The following CHIT1 variants were observed in gnomAD, a reference collection of about 807,000 sequenced individuals.
CHIT1 encodes chitotriosidase-1.
Under a neutral mutation model 52.0 loss-of-function variants are expected in CHIT1, and 47 were observed. The ratio of observed to expected loss-of-function variants is 0.90; its 90% CI spans 0.71 to 1.15. The LOEUF is 1.15. Ranked by LOEUF, CHIT1 falls within the 50% of genes most tolerant of loss-of-function variation. The probability of loss-of-function intolerance (pLI) is 0.00; values close to 1 mark genes in which losing one functional copy is unlikely to be tolerated. For missense variants in CHIT1, 569 were observed against 583.0 expected, an observed-to-expected ratio of 0.98 and a Z score of 0.25; for synonymous variants, 242 against 228.2, an observed-to-expected ratio of 1.06 and a Z score of -0.54.
At chr1:203,225,391 C>T (rs1233494139) in intron 3 of CHIT1, among the ~76,000 whole-genome samples, 1 of 151,474 alleles carries the variant, frequency 6.6e-6, no homozygotes, top group Non-Finnish European at 1.5e-5. Context: ...AAGGGTGGAT[C>T]AATTTCATAA....
At chr1:203,219,429 C>T in intron 8 of CHIT1, 100 bp from the exon 9 acceptor site, 5 of 913,094 alleles carry the variant, frequency 5.5e-6, no homozygotes, top group Admixed American at 5.5e-5. Flanking sequence ...AAATTCCTGT[C>T]TGAGGAAGCC....
intron 9 of CHIT1, 124 bp downstream of exon 9, chr1:203,219,092 A>G (rs1656638361): frequency 1.3e-6 from 1 of 748,472 alleles, no homozygotes; most frequent in Non-Finnish European, 2.5e-6. Flanking sequence ...TCACGTGGAG[A>G]TTTATGAAAT....
At chr1:203,229,582 C>G in intron 1 of CHIT1, 30 bp downstream of exon 1, 1 of 1,613,612 alleles carries the variant, frequency 6.2e-7, no homozygotes, top group Non-Finnish European at 8.5e-7. Flanking sequence ...CCACAGCTCC[C>G]GAGACCCAGC....
At chr1:203,220,191 C>T (rs1656685283) in intron 7 of CHIT1, among the ~76,000 whole-genome samples, 1 of 152,184 alleles carries the variant, frequency 6.6e-6, no homozygotes, top group African/African-American at 2.4e-5. Context: ...CCCTGCCTTA[C>T]CCAGCAGCTT....
intron 4 of CHIT1, among the ~76,000 whole-genome samples, chr1:203,224,834 A>T (rs1656865802): frequency 6.6e-6 from 1 of 152,132 alleles, no homozygotes; most frequent in Non-Finnish European, 1.5e-5. Flanking sequence ...GCAAGACTGG[A>T]TCTGAAACAG....
chr1:203,228,246 C>T (rs537731840), intron 2 of CHIT1, among the ~76,000 whole-genome samples: 1 of 152,302 alleles, frequency 6.6e-6, no homozygotes, highest in South Asian at 2.1e-4. Context: ...TGCAAGAGCA[C>T]AGAGTGCAGA....
chr1:203,219,086 G>A (rs776444073), intron 9 of CHIT1, 130 bp downstream of exon 9: 19 of 737,722 alleles, frequency 2.6e-5, no homozygotes, highest in South Asian at 7.1e-5. Flanking sequence ...ATACTATCAC[G>A]TGGAGATTTA....
chr1:203,222,982 G>A (rs897853333), intron 6 of CHIT1, among the ~76,000 whole-genome samples, 153 bp downstream of exon 6: 1 of 152,194 alleles, frequency 6.6e-6, no homozygotes, highest in Non-Finnish European at 1.5e-5. Context: ...GAGTACAAAA[G>A]CAGGGAATTT....
intron 3 of CHIT1, 42 bp downstream of exon 3, chr1:203,225,627 C>T (rs752961455): frequency 3.1e-6 from 5 of 1,588,498 alleles, no homozygotes; most frequent in East Asian, 4.5e-5. Flanking sequence ...TATCTGTCAC[C>T]CCACCACATC....
In CHIT1 at chr1:203,223,608, C is replaced by G; in HGVS notation, c.367G>C (p.Ala123Pro). Residue 123 changes from alanine to proline, a missense_variant, in exon 5 of 11, where the codon GCC becomes CCC. By Grantham distance (27) the Ala-to-Pro change is conservative (BLOSUM62 -1). Coordinates refer to ENST00000367229, the MANE Select transcript of CHIT1 (RefSeq NM_003465.3). ...ANNRQTFVNS[A>P]IRFLRKYSFD... ...CTGTATTTGCGCAGAAACCTGATGG[C>G]CGAGTTGACAAAGGTCTGACGGTTG... is the stretch of plus-strand genomic sequence containing the variant. 1.9e-6 allele frequency: 3 copies of G among 1,614,234 alleles called. No homozygotes were observed. The highest frequency in any genetic ancestry group is 2.5e-6 in the Non-Finnish European group (3 of 1,180,042).
intron 2 of CHIT1, among the ~76,000 whole-genome samples, chr1:203,227,050 C>G (rs1359636049): frequency 2.0e-5 from 3 of 152,192 alleles, no homozygotes; most frequent in Admixed American, 1.3e-4. Flanking sequence ...TTTGCCCCAG[C>G]AGGGTCTGTC....
chr1:203,223,344 G>A, intron 5 of CHIT1, 85 bp from the exon 6 acceptor site: 1 of 1,610,594 alleles, frequency 6.2e-7, no homozygotes, highest in South Asian at 1.1e-5. Flanking sequence ...TTCACTTGTA[G>A]AAGTCTGAGA....
chr1:203,223,870 A>AC (rs994072640), intron 4 of CHIT1, among the ~76,000 whole-genome samples: 1 of 151,896 alleles, frequency 6.6e-6, no homozygotes, highest in African/African-American at 2.4e-5. Flanking sequence ...AGCACTTTCT[A>AC]CCCCCGAACA....
rs772910185 is a variant in CHIT1 at position 203,223,653 on chromosome 1, C to A, written c.322G>T (p.Asp108Tyr). The change falls in exon 5 of 11, where the codon GAT becomes TAT. Residue 108 changes from aspartate (D) to tyrosine (Y), a missense_variant. Transcript: ENST00000367229. ...GWNFGTQKFTDMVATANNRQT... is the reference protein window; with the variant it reads ...GWNFGTQKFTYMVATANNRQT... ...CGGTTGTTGGCCGTGGCTACCATAT[C>A]TGTGAACCTGTGAGGTGATGAAGGG... is the stretch of plus-strand genomic sequence containing the variant. 1.2e-5 allele frequency: 19 copies of A among 1,614,094 alleles called. No individual in the cohort carries two copies. The South Asian group carries it at 2.0e-4, about 17-fold the overall frequency.
intron 9 of CHIT1, 181 bp from the exon 10 acceptor site, chr1:203,218,046 G>A (rs756956552): frequency 2.6e-6 from 4 of 1,529,942 alleles, no homozygotes; most frequent in African/African-American, 1.4e-5. Flanking sequence ...CATGCTGCTT[G>A]GACATCAGTC....
Position 203,219,239 on chromosome 1 carries a change from C to A in CHIT1, c.1006G>T (p.Asp336Tyr). 1 of 1,608,752 alleles carries A rather than the reference C, an allele frequency of 6.2e-7. No homozygotes were observed. The highest frequency in any genetic ancestry group is 8.5e-7 in the Non-Finnish European group (1 of 1,175,000). Residue 336 changes from aspartate (D) to tyrosine (Y), a missense_variant, in exon 9 of 11, where the codon GAT becomes TAT. Physicochemically the swap from Asp to Tyr is radical, Grantham distance 160. Coordinates refer to ENST00000367229, the MANE Select transcript of CHIT1 (RefSeq NM_003465.3). Reference sequence around the variant, plus strand: ...ACCTTGGTTTTGAAGCTCTCCACATCATCAAAGCCCACCCACTGGTTGTCC... The same window carrying A: ...ACCTTGGTTTTGAAGCTCTCCACATAATCAAAGCCCACCCACTGGTTGTCC... The part of the protein sequence containing the change: ...FRDNQWVGFD[D>Y]VESFKTKVSY...
At position 203,219,247 on chromosome 1, in the gene CHIT1, C is replaced by A. The variant is rs1237764091; in HGVS notation, c.998G>T (p.Gly333Val). The A allele has an allele frequency of 2.5e-6, 4 of 1,610,708 alleles. No homozygotes were observed. Among genetic ancestry groups the A allele is most frequent in the Non-Finnish European group, 3.4e-6 (4 of 1,176,948 alleles). The change falls in exon 9 of 11, where the codon GGC (glycine) becomes GTC (valine). Residue 333 changes from glycine to valine, a missense_variant. Coordinates refer to ENST00000367229, the MANE Select transcript of CHIT1 (RefSeq NM_003465.3). The stretch of plus-strand genomic sequence containing the variant: ...TTTGAAGCTCTCCACATCATCAAAG[C>A]CCACCCACTGGTTGTCCCGGAAGAT... The part of the protein sequence containing the change: ...PYIFRDNQWV[G>V]FDDVESFKTK...
chr1:203,219,865 A>C lies in CHIT1; in HGVS notation c.730-16T>G. ...CAGCAGCATCCTGGTGGAAGAGGGC[A>C]GGGTTAATTTTCTCAGCCCTCAGCC... On this transcript the variant is annotated splice_polypyrimidine_tract_variant and intron_variant, in intron 7 of 10. Transcript: ENST00000367229. The C allele has an allele frequency of 1.2e-6, 2 of 1,611,736 alleles. No individual in the cohort carries two copies. Among genetic ancestry groups the C allele is most frequent in the Non-Finnish European group, 1.7e-6 (2 of 1,179,744 alleles).
chr1:203,224,734 T>C (rs904591422), intron 4 of CHIT1, among the ~76,000 whole-genome samples: 25 of 152,174 alleles, frequency 1.6e-4, no homozygotes, highest in African/African-American at 6.0e-4. Flanking sequence ...TCAGGATTAG[T>C]TGGGACCCTC....
Sources: gnomAD v4.1 joint callset for allele counts (sites outside exome capture counted in the v4.1 genomes callset) on GRCh38, gnomAD v4.1.1 for gene constraint, MANE v1.5 for transcripts, NCBI Gene and HGNC (gene_info 2026-07-23, HGNC 2026-07-21) for gene names.